The following RABGAP1L variants were observed in gnomAD, a reference collection of about 807,000 sequenced individuals.
RABGAP1L encodes the protein RAB GTPase activating protein 1 like.
In RABGAP1L, 63 loss-of-function variants were observed where a neutral mutation model predicts 137.7. The ratio of observed to expected loss-of-function variants is 0.46; its 90% CI spans 0.37 to 0.56. The LOEUF (loss-of-function observed/expected upper bound fraction) is 0.56. RABGAP1L is among the 20% of genes least tolerant of loss of function. The pLI is 0.00. For synonymous variants in RABGAP1L, 431 were observed against 433.7 expected, an observed-to-expected ratio of 0.99 and a Z score of 0.08; for missense variants, 1,095 against 1,244.0, an observed-to-expected ratio of 0.88 and a Z score of 1.80.
intron 15 of RABGAP1L, among the ~76,000 whole-genome samples, chr1:174,686,256 A>G (rs1678449045): frequency 6.6e-6 from 1 of 152,168 alleles, no homozygotes; most frequent in Non-Finnish European, 1.5e-5. Context: ...GATTTTAATT[A>G]TAATAGTTCT....
chr1:174,216,405 AAC>A (rs1669322264), intron 1 of RABGAP1L, among the ~76,000 whole-genome samples: 1 of 152,184 alleles, frequency 6.6e-6, no homozygotes, highest in African/African-American at 2.4e-5. Flanking sequence ...TATCTCACAT[AAC>A]ACATTAATAT....
intron 1 of RABGAP1L, among the ~76,000 whole-genome samples, chr1:174,162,775 CTGT>C (rs1664589208): frequency 8.5e-5 from 2 of 23,436 alleles, no homozygotes; most frequent in African/African-American, 1.8e-4. Flanking sequence ...TTTTCTCTTT[CTGT>C]TTTTTTTTTT....
At chr1:174,801,464 G>A (rs1247510362) in intron 18 of RABGAP1L, among the ~76,000 whole-genome samples, 1 of 151,976 alleles carries the variant, frequency 6.6e-6, no homozygotes, top group Non-Finnish European at 1.5e-5. Flanking sequence ...CAGTCTTTAT[G>A]TATGTATTTA....
At chr1:174,221,215 G>T in intron 3 of RABGAP1L, 51 bp downstream of exon 3, 1 of 1,335,076 alleles carries the variant, frequency 7.5e-7, no homozygotes, top group Non-Finnish European at 9.9e-7. Context: ...TAAAGTAATA[G>T]TGAAAATTTT....
At chr1:174,895,443 GT>G (rs918203638) in intron 19 of RABGAP1L, among the ~76,000 whole-genome samples, 6 of 145,638 alleles carry the variant, frequency 4.1e-5, no homozygotes, top group Non-Finnish European at 9.0e-5. Context: ...GCTTTTGGAA[GT>G]TTTTTTTTAT....
chr1:174,754,258 A>G (rs1037553015), intron 18 of RABGAP1L, among the ~76,000 whole-genome samples: 1 of 152,150 alleles, frequency 6.6e-6, no homozygotes, highest in Non-Finnish European at 1.5e-5. Flanking sequence ...ACTTCCTTAT[A>G]TGAATCCTGA....
At chr1:174,964,385 A>G (rs1181383664) in intron 20 of RABGAP1L, among the ~76,000 whole-genome samples, 2 of 152,100 alleles carry the variant, frequency 1.3e-5, no homozygotes, top group Admixed American at 1.3e-4. Flanking sequence ...TAGTTTCTTT[A>G]CTTTTAATTA....
intron 18 of RABGAP1L, among the ~76,000 whole-genome samples, chr1:174,802,914 G>C (rs1688887058): frequency 6.6e-6 from 1 of 152,304 alleles, no homozygotes; most frequent in East Asian, 1.9e-4. Context: ...CCTGCCACAT[G>C]CAGTATTGCA....
chr1:174,656,578 T>C (rs1460262877), intron 14 of RABGAP1L, among the ~76,000 whole-genome samples: 1 of 152,232 alleles, frequency 6.6e-6, no homozygotes, highest in Admixed American at 6.5e-5. Context: ...AGAAACCTTA[T>C]ACCCATTAGA....
chr1:174,905,824 C>T (rs992779140), intron 19 of RABGAP1L, among the ~76,000 whole-genome samples: 4 of 151,448 alleles, frequency 2.6e-5, no homozygotes, highest in African/African-American at 7.3e-5. Flanking sequence ...GTACTCTAGC[C>T]TGGGTAACAG....
chr1:174,230,073 A>G (rs1670509520), intron 3 of RABGAP1L, among the ~76,000 whole-genome samples: 1 of 152,178 alleles, frequency 6.6e-6, no homozygotes, highest in African/African-American at 2.4e-5. Flanking sequence ...CAGCCATAAA[A>G]ATGATGAGTT....
At chr1:174,654,951 T>TC (rs977250895) in intron 14 of RABGAP1L, among the ~76,000 whole-genome samples, 4 of 151,888 alleles carry the variant, frequency 2.6e-5, no homozygotes, top group Non-Finnish European at 4.4e-5. Context: ...TTAAACTCAT[T>TC]TTTTATGATT....
intron 13 of RABGAP1L, among the ~76,000 whole-genome samples, chr1:174,614,996 T>G (rs1250591819): frequency 4.6e-5 from 7 of 152,214 alleles, no homozygotes; most frequent in African/African-American, 7.2e-5. Context: ...TTTTTCAAAG[T>G]TATTAACTTC....
At chr1:174,598,629 G>GA (rs1197198902) in intron 13 of RABGAP1L, among the ~76,000 whole-genome samples, 1 of 151,836 alleles carries the variant, frequency 6.6e-6, no homozygotes, top group Non-Finnish European at 1.5e-5. Context: ...TCCTTTTGTC[G>GA]AATTGACCCC....
At chr1:174,626,450 C>T (rs1232889705) in intron 13 of RABGAP1L, among the ~76,000 whole-genome samples, 1 of 152,190 alleles carries the variant, frequency 6.6e-6, no homozygotes, top group Non-Finnish European at 1.5e-5. Context: ...TCTCTACACG[C>T]CTCCCTTTAG....
At chr1:174,550,919 C>CATAT (rs1558333971) in intron 13 of RABGAP1L, among the ~76,000 whole-genome samples, 1 of 110,390 alleles carries the variant, frequency 9.1e-6, no homozygotes, top group African/African-American at 4.8e-5. Context: ...TACACACACA[C>CATAT]ACATATATAT....
chr1:174,991,235 T>C lies in RABGAP1L; in HGVS notation c.*1234T>C, dbSNP rs866801595. 4 of 152,262 alleles carry C rather than the reference T, an allele frequency of 2.6e-5. No homozygotes were observed. Among genetic ancestry groups the C allele is most frequent in the South Asian group, 2.1e-4 (1 of 4,836 alleles). 9.4% of individuals were successfully genotyped at this position (152,262 alleles called of 1,614,324 possible). ...TAAAAATAGTCCTTGCAGGAAATTA[T>C]TTGATAAGAGCAAAACTATTTTTAT... On this transcript the variant is annotated 3_prime_UTR_variant, in exon 26 of 26. Coordinates refer to ENST00000681986, the MANE Select transcript of RABGAP1L (RefSeq NM_001366446.1).
At chr1:174,170,536 G>A (rs964080751) in intron 1 of RABGAP1L, among the ~76,000 whole-genome samples, 1 of 151,978 alleles carries the variant, frequency 6.6e-6, no homozygotes, top group Admixed American at 6.6e-5. Context: ...TTAACCAGGC[G>A]TGGTGGCATG....
At chr1:174,459,744 A>G (rs1411022843) in intron 13 of RABGAP1L, among the ~76,000 whole-genome samples, 1 of 152,032 alleles carries the variant, frequency 6.6e-6, no homozygotes, top group South Asian at 2.1e-4. Flanking sequence ...TGTGAACCCT[A>G]TGAATATGGA....
Sources: gnomAD v4.1 joint callset for allele counts (sites outside exome capture counted in the v4.1 genomes callset) on GRCh38, gnomAD v4.1.1 for gene constraint, MANE v1.5 for transcripts, NCBI Gene and HGNC (gene_info 2026-07-23, HGNC 2026-07-21) for gene names.